Variants in FBXO4 observed in about 807,000 individuals in gnomAD.
FBXO4 encodes the protein F-box protein 4.
FBXO4 carries 36 observed loss-of-function variants against 43.7 expected under a neutral mutation model. The observed-to-expected ratio is 0.82, with a 90% CI of 0.63 to 1.09. The LOEUF (loss-of-function observed/expected upper bound fraction) is 1.09, where lower values mean the gene tolerates loss of function less well. Ranked by LOEUF, FBXO4 falls within the 50% of genes least tolerant of loss-of-function variation. FBXO4 has a pLI of 0.00. For missense variants in FBXO4, 435 were observed against 474.1 expected, an observed-to-expected ratio of 0.92 and a Z score of 0.77; for synonymous variants, 180 against 165.6, an observed-to-expected ratio of 1.09 and a Z score of -0.67.
chr5:41,941,072 A>C (rs1364112796), intron 6 of FBXO4, 120 bp from the exon 7 acceptor site: 9 of 666,258 alleles, frequency 1.4e-5, no homozygotes, highest in Non-Finnish European at 2.0e-5. Flanking sequence ...ACTTATCCAA[A>C]GTTTATTGGG....
the FBXO4 span, chr5:41,967,700 A>C: frequency 1.6e-6 from 1 of 633,422 alleles, no homozygotes; most frequent in Non-Finnish European, 3.0e-6. Flanking sequence ...AGATACATTC[A>C]CCCTACATTA....
the FBXO4 span, among the ~76,000 whole-genome samples, chr5:41,985,892 A>C: frequency 2.6e-5 from 4 of 152,322 alleles, no homozygotes; most frequent in Non-Finnish European, 5.9e-5. Flanking sequence ...ATAAGCCATT[A>C]GCTGTTCCTT....
chr5:41,959,719 A>T, the FBXO4 span, among the ~76,000 whole-genome samples: 1 of 152,130 alleles, frequency 6.6e-6, no homozygotes, highest in Non-Finnish European at 1.5e-5. Flanking sequence ...TCATTGGTCA[A>T]GGTGTCTATT....
chr5:41,999,478 C>T, the FBXO4 span, among the ~76,000 whole-genome samples: 8,549 of 26,694 alleles, frequency 0.32, 544 homozygotes, highest in African/African-American at 0.36. Context: ...TATATATATA[C>T]ACATATATAT....
the FBXO4 span, among the ~76,000 whole-genome samples, chr5:42,020,080 G>A: frequency 2.6e-5 from 4 of 152,024 alleles, no homozygotes; most frequent in African/African-American, 7.2e-5. Flanking sequence ...AAAAATTGTG[G>A]GATTAGGAAA....
At chr5:41,936,030 G>A (rs1006829329) in intron 5 of FBXO4, among the ~76,000 whole-genome samples, 20 of 152,220 alleles carry the variant, frequency 1.3e-4, no homozygotes, top group African/African-American at 4.1e-4. Flanking sequence ...TCAGCCTACT[G>A]CATTAATACC....
At chr5:41,958,672 T>C in the FBXO4 span, among the ~76,000 whole-genome samples, 1 of 152,196 alleles carries the variant, frequency 6.6e-6, no homozygotes. Flanking sequence ...ATTTGGCTTA[T>C]TTCACTTAAT....
the FBXO4 span, among the ~76,000 whole-genome samples, chr5:41,999,534 T>A: frequency 2.0e-5 from 2 of 101,112 alleles, no homozygotes; most frequent in South Asian, 5.4e-4. Flanking sequence ...CATATATATA[T>A]ACATATATAT....
intron 5 of FBXO4, among the ~76,000 whole-genome samples, chr5:41,938,407 T>A (rs565858496): frequency 2.4e-4 from 37 of 152,156 alleles, no homozygotes; most frequent in African/African-American, 8.4e-4. Flanking sequence ...ATTAAAAAAC[T>A]CAGTCCAAAA....
the FBXO4 span, among the ~76,000 whole-genome samples, chr5:41,952,446 C>A: frequency 6.6e-6 from 1 of 152,098 alleles, no homozygotes; most frequent in African/African-American, 2.4e-5. Flanking sequence ...TTGTAATACC[C>A]TTATTACCTT....
In FBXO4 at chr5:41,929,702, G is replaced by T; in HGVS notation, c.431G>T (p.Arg144Ile). The T allele has an allele frequency of 6.3e-7, 1 of 1,599,460 alleles. No homozygotes were observed. The highest frequency in any genetic ancestry group is 1.8e-5 in the Admixed American group (1 of 56,590). The change falls in exon 3 of 7, where the codon AGA (arginine) becomes ATA (isoleucine). Residue 144 changes from arginine to isoleucine, a missense_variant. Physicochemically the swap from Arg to Ile is moderately conservative, Grantham distance 97. Transcript: ENST00000281623. ...GAFFDYMAVY[R>I]MCCPYTRRAS... is the part of the protein sequence containing the mutation. ...ATTGTGACAATTTTTTACAGCTATAGAATGTGCTGTCCATACACAAGAAGA... is the reference window on the plus strand; with the variant it reads ...ATTGTGACAATTTTTTACAGCTATATAATGTGCTGTCCATACACAAGAAGA...
intron 3 of FBXO4, 135 bp downstream of exon 3, chr5:41,930,052 G>C (rs550346491): frequency 1.5e-6 from 1 of 664,770 alleles, no homozygotes; most frequent in African/African-American, 1.8e-5. Context: ...AGCCCTACCA[G>C]GTTCCACTGA....
the FBXO4 span, among the ~76,000 whole-genome samples, chr5:42,022,639 C>G: frequency 6.6e-6 from 1 of 152,042 alleles, no homozygotes; most frequent in African/African-American, 2.4e-5. Flanking sequence ...ACGGCATTAT[C>G]TTATAGACAT....
At chr5:41,980,268 G>C in the FBXO4 span, among the ~76,000 whole-genome samples, 19 of 152,224 alleles carry the variant, frequency 1.2e-4, no homozygotes, top group South Asian at 3.7e-3. Flanking sequence ...TTCATAGAAA[G>C]TCTCCAGTAT....
chr5:41,943,297 T>G (rs1561173816), downstream of FBXO4, among the ~76,000 whole-genome samples: 1 of 152,124 alleles, frequency 6.6e-6, no homozygotes, highest in Non-Finnish European at 1.5e-5. Context: ...TATCCAGGGA[T>G]GAACAAACCA....
In FBXO4 at chr5:41,934,288, C is replaced by G. The variant is rs1340314140; in HGVS notation, c.878C>G (p.Ala293Gly). 2 of 1,614,098 alleles carry G rather than the reference C, an allele frequency of 1.2e-6. No individual in the cohort carries two copies. Among genetic ancestry groups the G allele is most frequent in the Non-Finnish European group, 1.7e-6 (2 of 1,179,996 alleles). Residue 293 changes from alanine (A) to glycine (G), a missense_variant, in exon 5 of 7, where the codon GCA becomes GGA. Ala to Gly is a moderately conservative substitution (Grantham distance 60). Transcript: ENST00000281623. The part of the protein sequence containing the change: ...CEVVDGFIYV[A>G]NAEAHKRHEW... ...GTTGTAGATGGGTTCATCTATGTTG[C>G]AAATGCTGAAGCTCATAAAAGTAAG...
chr5:41,993,948 G>A, the FBXO4 span, among the ~76,000 whole-genome samples: 3 of 152,040 alleles, frequency 2.0e-5, no homozygotes, highest in Non-Finnish European at 4.4e-5. Flanking sequence ...GCCCATTGAC[G>A]CAAATGTTAA....
chr5:41,942,695 T>C (rs1205396695), downstream of FBXO4, among the ~76,000 whole-genome samples: 3 of 152,104 alleles, frequency 2.0e-5, no homozygotes, highest in Non-Finnish European at 4.4e-5. Context: ...ATCTCTCTTA[T>C]ATTAACTCAT....
the FBXO4 span, among the ~76,000 whole-genome samples, chr5:42,026,502 G>A: frequency 6.6e-6 from 1 of 151,838 alleles, no homozygotes; most frequent in Non-Finnish European, 1.5e-5. Flanking sequence ...TATATCATCT[G>A]CAAGGAAGGA....
Sources: gnomAD v4.1 joint callset for allele counts (sites outside exome capture counted in the v4.1 genomes callset) on GRCh38, gnomAD v4.1.1 for gene constraint, MANE v1.5 for transcripts, NCBI Gene and HGNC (gene_info 2026-07-23, HGNC 2026-07-21) for gene names.